GPC6: variants seen among roughly 807,000 people sequenced by gnomAD.
GPC6 encodes glypican 6, also known as glypican-6.
Under a neutral mutation model 55.2 loss-of-function variants are expected in GPC6, and 14 were observed. The observed-to-expected ratio is 0.25, with a 90% confidence interval of 0.17 to 0.40. GPC6 has a LOEUF of 0.40. GPC6 is among the 10% of genes least tolerant of loss of function. The pLI, the probability that GPC6 is intolerant of heterozygous loss-of-function variation, is 1.00. For synonymous variants in GPC6, 278 were observed against 259.6 expected (o/e 1.07, Z -0.68); for missense variants, 641 against 708.5 (o/e 0.90, Z 1.08).
At chr13:93,456,457 T>C (rs1486502838) in intron 1 of GPC6, among the ~76,000 whole-genome samples, 4 of 152,146 alleles carry the variant, frequency 2.6e-5, no homozygotes, top group African/African-American at 9.6e-5. Flanking sequence ...TATCTCCTTG[T>C]TACTTACTGT....
chr13:93,659,609 G>A (rs988650167), intron 2 of GPC6, among the ~76,000 whole-genome samples: 2 of 151,932 alleles, frequency 1.3e-5, no homozygotes, highest in African/African-American at 4.8e-5. Flanking sequence ...TATACATCTA[G>A]CTTTTATAAT....
intron 1 of GPC6, among the ~76,000 whole-genome samples, chr13:93,316,440 A>G (rs1307301014): frequency 6.6e-6 from 1 of 152,118 alleles, no homozygotes; most frequent in Non-Finnish European, 1.5e-5. Context: ...CAAGGAGCTC[A>G]TAATTAAGTG....
At chr13:93,442,738 T>G (rs1175195667) in intron 1 of GPC6, among the ~76,000 whole-genome samples, 2 of 148,520 alleles carry the variant, frequency 1.3e-5, no homozygotes, top group Non-Finnish European at 2.9e-5. Flanking sequence ...AGACAATCTT[T>G]GATTTAACAA....
At chr13:94,300,739 C>A (rs1237990373) in intron 5 of GPC6, among the ~76,000 whole-genome samples, 2 of 152,138 alleles carry the variant, frequency 1.3e-5, no homozygotes, top group African/African-American at 4.8e-5. Context: ...AAGCAGGCAG[C>A]GGTCAGGAGG....
intron 4 of GPC6, among the ~76,000 whole-genome samples, chr13:94,036,969 A>T (rs1219168952): frequency 3.9e-5 from 6 of 152,034 alleles, no homozygotes; most frequent in African/African-American, 1.2e-4. Flanking sequence ...TTGTTAGATC[A>T]GTTTCGTCTT....
At chr13:93,973,585 G>A (rs1469724284) in intron 3 of GPC6, among the ~76,000 whole-genome samples, 1 of 152,112 alleles carries the variant, frequency 6.6e-6, no homozygotes, top group Non-Finnish European at 1.5e-5. Context: ...TTTGTGGTGA[G>A]ACAACAAAGC....
chr13:93,991,197 C>A (rs1330711093), intron 3 of GPC6, among the ~76,000 whole-genome samples: 11 of 151,932 alleles, frequency 7.2e-5, no homozygotes, highest in Admixed American at 7.2e-4. Context: ...TATCACATTT[C>A]AGAATAAAAG....
chr13:93,932,946 A>G (rs555128611), intron 3 of GPC6, among the ~76,000 whole-genome samples: 41 of 149,878 alleles, frequency 2.7e-4, no homozygotes, highest in African/African-American at 9.8e-4. Context: ...AGGTGTTAAC[A>G]GGGCTGTTTT....
At chr13:93,627,329 G>A (rs552412704) in intron 2 of GPC6, among the ~76,000 whole-genome samples, 241 of 152,222 alleles carry the variant, frequency 1.6e-3, no homozygotes, top group Non-Finnish European at 2.9e-3. Context: ...CAAAGGACAT[G>A]AACTCATCCT....
At chr13:94,026,807 G>A (rs1882916017) in intron 3 of GPC6, among the ~76,000 whole-genome samples, 1 of 152,138 alleles carries the variant, frequency 6.6e-6, no homozygotes, top group Non-Finnish European at 1.5e-5. Flanking sequence ...GTGAGGAGAA[G>A]TGCCAAGCAA....
At chr13:94,081,861 G>A (rs890955385) in intron 4 of GPC6, among the ~76,000 whole-genome samples, 3 of 94,526 alleles carry the variant, frequency 3.2e-5, no homozygotes, top group African/African-American at 1.2e-4. Flanking sequence ...TTTTTTTTGA[G>A]ACACAGTCCC....
chr13:93,940,131 G>A (rs560705554), intron 3 of GPC6, among the ~76,000 whole-genome samples: 1 of 152,066 alleles, frequency 6.6e-6, no homozygotes, highest in East Asian at 1.9e-4. Context: ...ATTATTATTT[G>A]TACACTTTTC....
At chr13:93,265,881 A>C (rs1324978641) in intron 1 of GPC6, among the ~76,000 whole-genome samples, 1 of 151,482 alleles carries the variant, frequency 6.6e-6, no homozygotes, top group African/African-American at 2.4e-5. Flanking sequence ...GACAACTGGC[A>C]GGAGCCACCG....
chr13:93,422,191 A>C lies in GPC6; in HGVS notation c.161-123072A>C, dbSNP rs1421454720. On this transcript the variant is annotated intron_variant, in intron 1 of 8. Transcript: ENST00000377047. ...CCCACGATTATTCCATCTCAAAAAGACCAAGGTGTTTTTCTTCAAATGGAA... is the reference window on the plus strand; with the variant it reads ...CCCACGATTATTCCATCTCAAAAAGCCCAAGGTGTTTTTCTTCAAATGGAA... Among the ~76,000 whole-genome samples, 4 of 152,016 alleles carry C rather than the reference A, an allele frequency of 2.6e-5. No individual in the cohort carries two copies. The South Asian group carries it at 8.3e-4, about 32-fold the overall frequency.
chr13:93,865,958 T>C (rs898503207), intron 3 of GPC6, among the ~76,000 whole-genome samples: 1 of 151,752 alleles, frequency 6.6e-6, no homozygotes. Context: ...CCAAAAGTCA[T>C]AGACCAAAAT....
intron 2 of GPC6, among the ~76,000 whole-genome samples, chr13:93,681,863 T>A (rs901301452): frequency 5.9e-5 from 9 of 152,214 alleles, no homozygotes; most frequent in Admixed American, 4.6e-4. Flanking sequence ...TATCTATTGA[T>A]AAATGCTACG....
intron 1 of GPC6, among the ~76,000 whole-genome samples, chr13:93,321,555 T>C (rs1879435788): frequency 6.6e-6 from 1 of 152,190 alleles, no homozygotes; most frequent in Admixed American, 6.5e-5. Context: ...ATTTAGCACA[T>C]TTTCCAGCAA....
At chr13:94,012,318 G>A (rs1376573887) in intron 3 of GPC6, among the ~76,000 whole-genome samples, 4 of 152,192 alleles carry the variant, frequency 2.6e-5, no homozygotes, top group African/African-American at 9.6e-5. Flanking sequence ...TGCAGGGTGA[G>A]GTTAAGAATG....
intron 1 of GPC6, among the ~76,000 whole-genome samples, chr13:93,439,149 G>A (rs973698859): frequency 5.3e-5 from 8 of 152,056 alleles, no homozygotes; most frequent in African/African-American, 1.9e-4. Flanking sequence ...TATGCATTGA[G>A]AAACCAAAAA....
Sources: allele counts gnomAD v4.1 joint callset (sites outside exome capture counted in the v4.1 genomes callset), GRCh38; gene constraint gnomAD v4.1.1; transcripts MANE v1.5; gene names NCBI Gene and HGNC (gene_info 2026-07-23, HGNC 2026-07-21).